Variants in SCFD2 observed in about 807,000 individuals in gnomAD.
SCFD2 encodes sec1 family domain-containing protein 2.
Under a neutral mutation model 58.9 loss-of-function variants are expected in SCFD2, and 54 were observed. The ratio of observed to expected loss-of-function variants is 0.92; its 90% CI spans 0.74 to 1.15. The LOEUF is 1.15. Ranked by LOEUF, SCFD2 falls within the 50% of genes most tolerant of loss-of-function variation. SCFD2 has a pLI of 0.00. For synonymous variants in SCFD2, 321 were observed against 335.9 expected, an observed-to-expected ratio of 0.96 and a Z score of 0.49; for missense variants, 805 against 836.6, an observed-to-expected ratio of 0.96 and a Z score of 0.47.
chr4:53,128,582 G>A (rs1345377567), intron 5 of SCFD2, among the ~76,000 whole-genome samples: 1 of 151,928 alleles, frequency 6.6e-6, no homozygotes. Context: ...AGGTTCGGAG[G>A]GGAGGAGGGG....
At chr4:53,036,193 A>C (rs902600761) in intron 5 of SCFD2, among the ~76,000 whole-genome samples, 3 of 151,786 alleles carry the variant, frequency 2.0e-5, no homozygotes, top group African/African-American at 7.3e-5. Context: ...ATTTCTCCTA[A>C]TGCTATCCCT....
chr4:53,099,296 G>C (rs1337836520), intron 5 of SCFD2, among the ~76,000 whole-genome samples: 1 of 152,146 alleles, frequency 6.6e-6, no homozygotes, highest in Non-Finnish European at 1.5e-5. Flanking sequence ...ACAAAGCGGA[G>C]AGTTGAAAGA....
At chr4:53,189,640 C>A (rs1727837480) in intron 4 of SCFD2, among the ~76,000 whole-genome samples, 1 of 152,140 alleles carries the variant, frequency 6.6e-6, no homozygotes, top group Non-Finnish European at 1.5e-5. Flanking sequence ...AACTTAATTA[C>A]CTCTCAAAGG....
chr4:52,971,158 C>A (rs1409367638), intron 5 of SCFD2, among the ~76,000 whole-genome samples: 4 of 152,144 alleles, frequency 2.6e-5, no homozygotes, highest in Non-Finnish European at 5.9e-5. Context: ...TGGAACAAAG[C>A]TGGATGGAGA....
intron 5 of SCFD2, among the ~76,000 whole-genome samples, chr4:53,056,906 G>T (rs892627172): frequency 6.6e-5 from 10 of 152,106 alleles, no homozygotes; most frequent in African/African-American, 1.9e-4. Context: ...ATCACAGGTT[G>T]GGCACTGTGG....
chr4:53,364,698 G>A (rs778813408), intron 1 of SCFD2, among the ~76,000 whole-genome samples: 14 of 149,524 alleles, frequency 9.4e-5, no homozygotes, highest in Admixed American at 4.8e-4. Context: ...TTTTCCTTCC[G>A]CTGGGTCATC....
At chr4:53,089,968 T>C (rs1372888189) in intron 5 of SCFD2, among the ~76,000 whole-genome samples, 2 of 152,198 alleles carry the variant, frequency 1.3e-5, no homozygotes, top group Non-Finnish European at 2.9e-5. Context: ...TGTGCCAAAA[T>C]GTATGATATA....
intron 8 of SCFD2, among the ~76,000 whole-genome samples, chr4:52,876,896 T>G (rs746153999): frequency 1.3e-5 from 2 of 151,396 alleles, no homozygotes; most frequent in Non-Finnish European, 2.9e-5. Context: ...CAAAGGGCCC[T>G]CTCCTCCTGC....
chr4:53,036,725 G>A (rs1722770522), intron 5 of SCFD2, among the ~76,000 whole-genome samples: 1 of 152,016 alleles, frequency 6.6e-6, no homozygotes. Flanking sequence ...GATAACATTA[G>A]GAGAAATACC....
chr4:53,365,047 T>C lies in SCFD2; in HGVS notation c.838+57A>G. 6.4e-7 allele frequency: 1 copy of C among 1,552,542 alleles called. No individual in the cohort carries two copies. The highest frequency in any genetic ancestry group is 8.7e-7 in the Non-Finnish European group (1 of 1,152,602). Reference sequence around the variant, plus strand: ...GTCAATAAAATATATGCTGAATCAATGAAAGTCCCAGCAATGTGGGGAATG... The same window carrying C: ...GTCAATAAAATATATGCTGAATCAACGAAAGTCCCAGCAATGTGGGGAATG... On this transcript the variant is annotated intron_variant, in intron 1 of 8. Transcript: ENST00000401642. The surrounding 1 kb of genome is among the most constrained non-coding windows in gnomAD (Gnocchi z 4.3).
intron 3 of SCFD2, among the ~76,000 whole-genome samples, chr4:53,284,928 T>G (rs751695245): frequency 6.6e-6 from 1 of 152,238 alleles, no homozygotes; most frequent in Non-Finnish European, 1.5e-5. Flanking sequence ...GGACATCCTT[T>G]AAGTAGTATA....
At chr4:53,298,837 T>C (rs1732153793) in intron 3 of SCFD2, among the ~76,000 whole-genome samples, 1 of 152,070 alleles carries the variant, frequency 6.6e-6, no homozygotes, top group African/African-American at 2.4e-5. Flanking sequence ...GCAAAAAGGG[T>C]CTGGAGTGGA....
At chr4:53,077,314 A>C (rs1724006671) in intron 5 of SCFD2, among the ~76,000 whole-genome samples, 1 of 152,208 alleles carries the variant, frequency 6.6e-6, no homozygotes, top group South Asian at 2.1e-4. Context: ...TTGCATATAC[A>C]CAAGTTTTCT....
chr4:53,159,932 G>T (rs999523315), intron 4 of SCFD2, among the ~76,000 whole-genome samples: 1 of 152,160 alleles, frequency 6.6e-6, no homozygotes, highest in Non-Finnish European at 1.5e-5. Flanking sequence ...GCACTTAAGA[G>T]ATATGCACAA....
chr4:53,089,972 T>A (rs185678800), intron 5 of SCFD2, among the ~76,000 whole-genome samples: 1 of 152,308 alleles, frequency 6.6e-6, no homozygotes, highest in African/African-American at 2.4e-5. Flanking sequence ...CCAAAATGTA[T>A]GATATATTTG....
At chr4:53,329,616 A>T (rs546329261) in intron 2 of SCFD2, among the ~76,000 whole-genome samples, 6 of 152,266 alleles carry the variant, frequency 3.9e-5, no homozygotes, top group African/African-American at 1.4e-4. Context: ...ATCAAAGACC[A>T]AAAGTAGATA....
intron 5 of SCFD2, among the ~76,000 whole-genome samples, chr4:52,986,156 C>T (rs886166800): frequency 6.6e-6 from 1 of 152,020 alleles, no homozygotes; most frequent in East Asian, 1.9e-4. Flanking sequence ...CTCTTTGCCC[C>T]GTGAGAATTA....
At chr4:53,141,279 ATATATT>A (rs1726155971) in intron 5 of SCFD2, among the ~76,000 whole-genome samples, 1 of 152,242 alleles carries the variant, frequency 6.6e-6, no homozygotes, top group African/African-American at 2.4e-5. Context: ...ATGAGAGGAA[ATATATT>A]TATAGAGAAA....
At chr4:53,220,034 T>C (rs1487993907) in intron 4 of SCFD2, among the ~76,000 whole-genome samples, 1 of 152,118 alleles carries the variant, frequency 6.6e-6, no homozygotes, top group Non-Finnish European at 1.5e-5. Flanking sequence ...TACCTAAAAC[T>C]ATCTCTCCCC....
Sources: allele counts gnomAD v4.1 joint callset (sites outside exome capture counted in the v4.1 genomes callset), GRCh38; gene constraint gnomAD v4.1.1; non-coding constraint Gnocchi (gnomAD v3.1); transcripts MANE v1.5; gene names NCBI Gene and HGNC (gene_info 2026-07-23, HGNC 2026-07-21).